The following KIAA1217 variants were observed in gnomAD, a reference collection of about 807,000 sequenced individuals.
The protein encoded by KIAA1217 is sickle tail protein homolog.
Under a neutral mutation model 163.9 loss-of-function variants are expected in KIAA1217, and 88 were observed. That is an observed-to-expected ratio of 0.54 (90% CI 0.45 to 0.64). KIAA1217 has a LOEUF of 0.64. Among genes scored for constraint, KIAA1217 ranks in the 30% least tolerant of loss-of-function variants. The pLI is 0.00. For missense variants in KIAA1217, 2,372 were observed against 2,475.0 expected, an observed-to-expected ratio of 0.96 and a Z score of 0.88; for synonymous variants, 903 against 923.1, an observed-to-expected ratio of 0.98 and a Z score of 0.39.
At chr10:24,095,725 T>G (rs551306159) in intron 2 of KIAA1217, among the ~76,000 whole-genome samples, 77 of 152,254 alleles carry the variant, frequency 5.1e-4, no homozygotes, top group African/African-American at 1.8e-3. Context: ...TCACACTGGC[T>G]CCTCTTCTGA....
chr10:23,828,943 A>G (rs185458531), intron 1 of KIAA1217, among the ~76,000 whole-genome samples: 1 of 152,326 alleles, frequency 6.6e-6, no homozygotes, highest in East Asian at 1.9e-4. Flanking sequence ...TAATTAAGGT[A>G]AGGCAAATTG....
chr10:24,317,742 G>C (rs1171713999), intron 2 of KIAA1217, among the ~76,000 whole-genome samples: 1 of 152,090 alleles, frequency 6.6e-6, no homozygotes, highest in Non-Finnish European at 1.5e-5. Flanking sequence ...CTCTGTTCAC[G>C]GCATTCCTGT....
At chr10:23,925,509 T>G (rs1021590924) in intron 1 of KIAA1217, among the ~76,000 whole-genome samples, 1 of 152,254 alleles carries the variant, frequency 6.6e-6, no homozygotes, top group Non-Finnish European at 1.5e-5. Context: ...GTCGCTGGAC[T>G]TTTCCAACTC....
chr10:24,173,301 A>G (rs1226420179), intron 2 of KIAA1217, among the ~76,000 whole-genome samples: 2 of 152,316 alleles, frequency 1.3e-5, no homozygotes, highest in East Asian at 1.9e-4. Flanking sequence ...AAACAAGCTC[A>G]GGGCTCCCAC....
rs752374977 is a variant in KIAA1217 at position 24,544,421 on chromosome 10, T to G, written c.5151T>G (p.Val1717=). 3 of 1,614,106 alleles carry G rather than the reference T, an allele frequency of 1.9e-6. No individual in the cohort carries two copies. Among genetic ancestry groups the G allele is most frequent in the Non-Finnish European group, 2.5e-6 (3 of 1,180,024 alleles). The change falls in exon 19 of 21, where the codon GTT becomes GTG. Residue 1717 remains valine (V), a synonymous_variant. Coordinates refer to ENST00000376454, the MANE Select transcript of KIAA1217 (RefSeq NM_019590.5). The stretch of plus-strand genomic sequence containing the variant: ...AGGCCTCTCCCCGACCCTTGCTAGT[T>G]CCGGATGAAGGTCCCACTGCCCTAG... The part of the protein sequence containing the change: ...AQEASPRPLL[V]PDEGPTALEP...
At chr10:23,862,219 C>T (rs1839987341) in intron 1 of KIAA1217, among the ~76,000 whole-genome samples, 1 of 152,000 alleles carries the variant, frequency 6.6e-6, no homozygotes, top group African/African-American at 2.4e-5. Context: ...TTCTTTTAAT[C>T]CATAGTAAGC....
chr10:23,825,583 T>C (rs967543504), intron 1 of KIAA1217, among the ~76,000 whole-genome samples: 7 of 152,236 alleles, frequency 4.6e-5, no homozygotes, highest in Non-Finnish European at 1.0e-4. Flanking sequence ...GTAATTACAC[T>C]AAGCAGAACT....
Position 24,190,685 on chromosome 10 carries a change from G to T in KIAA1217, c.-170-28941G>T, listed in dbSNP as rs79547761. Among the ~76,000 whole-genome samples the T allele has an allele frequency of 1.2e-3, 190 of 152,252 alleles. 3 individuals are homozygous for T. The East Asian group carries it at 0.028, about 22-fold the overall frequency. ...AGCCATGGAGGATATCCTGTTTAAG[G>T]GAAGGCAGGCTGCTGACCAGTTATT... On this transcript the variant is annotated intron_variant, in intron 2 of 18. Coordinates refer to the KIAA1217 transcript ENST00000376462.
At chr10:24,166,982 T>TGATA (rs1392943539) in intron 2 of KIAA1217, among the ~76,000 whole-genome samples, 2 of 152,158 alleles carry the variant, frequency 1.3e-5, no homozygotes. Flanking sequence ...AGAAGAAAGC[T>TGATA]GCTTTGGAAA....
At chr10:24,470,054 C>T (rs968060378) in intron 5 of KIAA1217, among the ~76,000 whole-genome samples, 2 of 152,128 alleles carry the variant, frequency 1.3e-5, no homozygotes, top group African/African-American at 4.8e-5. Flanking sequence ...ATGAATTTAT[C>T]TCGATGTTTG....
intron 1 of KIAA1217, among the ~76,000 whole-genome samples, chr10:23,856,098 A>C (rs1485814619): frequency 6.6e-6 from 1 of 152,086 alleles, no homozygotes; most frequent in Non-Finnish European, 1.5e-5. Context: ...TGCTTTTTAG[A>C]GTTTCCAGTT....
At chr10:24,406,557 T>G (rs1440316416) in intron 3 of KIAA1217, among the ~76,000 whole-genome samples, 4 of 152,190 alleles carry the variant, frequency 2.6e-5, no homozygotes, top group Non-Finnish European at 4.4e-5. Context: ...TTTCTCCTTT[T>G]AGCTAAAGCT....
chr10:24,341,081 A>C (rs575242716), intron 2 of KIAA1217, among the ~76,000 whole-genome samples: 1 of 152,230 alleles, frequency 6.6e-6, no homozygotes, highest in East Asian at 1.9e-4. Flanking sequence ...TGCCAAGTCC[A>C]TATGGATTAG....
At position 24,543,104 on chromosome 10, in the gene KIAA1217, T is replaced by A. The variant is rs145905184; in HGVS notation, c.3834T>A (p.Asp1278Glu). 7.3e-5 allele frequency: 117 copies of A among 1,612,996 alleles called. No individual in the cohort carries two copies. The African/African-American group carries it at 1.4e-3, about 20-fold the overall frequency. The change falls in exon 19 of 21, where the codon GAT becomes GAA. Residue 1278 changes from aspartate (D) to glutamate (E), a missense_variant. Coordinates refer to ENST00000376454, the MANE Select transcript of KIAA1217 (RefSeq NM_019590.5). Reference sequence around the variant, plus strand: ...TCTCTGGCATTAGTCCATTAGAAGATGAAATAAACAAAGGGTCTAAAATCT... The same window carrying A: ...TCTCTGGCATTAGTCCATTAGAAGAAGAAATAAACAAAGGGTCTAAAATCT... ...FGFSGISPLE[D>E]EINKGSKISG...
chr10:23,986,186 CTG>C (rs1475724526), intron 1 of KIAA1217, among the ~76,000 whole-genome samples: 1 of 152,228 alleles, frequency 6.6e-6, no homozygotes, highest in East Asian at 1.9e-4. Flanking sequence ...ATTCATAAAA[CTG>C]TGCCTCGAGC....
chr10:23,880,524 G>T (rs1369098532), intron 1 of KIAA1217, among the ~76,000 whole-genome samples: 2 of 151,820 alleles, frequency 1.3e-5, no homozygotes, highest in Non-Finnish European at 2.9e-5. Flanking sequence ...GAATAAGTAA[G>T]ACCTAGTATT....
intron 6 of KIAA1217, among the ~76,000 whole-genome samples, chr10:24,486,877 AAGG>A: frequency 6.6e-6 from 1 of 152,092 alleles, no homozygotes; most frequent in East Asian, 1.9e-4. Context: ...CCACGTAAGC[AAGG>A]AGTTTTGTCT....
intron 1 of KIAA1217, among the ~76,000 whole-genome samples, chr10:23,699,212 G>T (rs1836252579): frequency 6.6e-6 from 1 of 152,206 alleles, no homozygotes; most frequent in African/African-American, 2.4e-5. Flanking sequence ...CCCAGTTTCA[G>T]ACACGGGCCT....
chr10:24,070,137 T>C (rs2061128621), intron 2 of KIAA1217, among the ~76,000 whole-genome samples: 1 of 152,110 alleles, frequency 6.6e-6, no homozygotes, highest in East Asian at 1.9e-4. Flanking sequence ...AGAGACAAAG[T>C]GATCAGAAGT....
Sources: allele counts gnomAD v4.1 joint callset (sites outside exome capture counted in the v4.1 genomes callset), GRCh38; gene constraint gnomAD v4.1.1; transcripts MANE v1.5; gene names NCBI Gene and HGNC (gene_info 2026-07-23, HGNC 2026-07-21).